AGBL1: variants seen among roughly 807,000 people sequenced by gnomAD.
AGBL1 encodes AGBL carboxypeptidase 1.
In AGBL1, 130 loss-of-function variants were observed where a neutral mutation model predicts 118.9. That is an observed-to-expected ratio of 1.09 (90% CI 0.95 to 1.26). The LOEUF (loss-of-function observed/expected upper bound fraction) is 1.26. Ranked by LOEUF, AGBL1 falls within the 50% of genes most tolerant of loss-of-function variation. AGBL1 has a pLI of 0.00. For missense variants in AGBL1, 1,584 were observed against 1,298.1 expected, an observed-to-expected ratio of 1.22 and a Z score of -3.38; for synonymous variants, 555 against 478.9, an observed-to-expected ratio of 1.16 and a Z score of -2.08.
intron 15 of AGBL1, among the ~76,000 whole-genome samples, chr15:86,273,453 C>G (rs1391687052): frequency 2.0e-5 from 3 of 152,212 alleles, no homozygotes; most frequent in Admixed American, 6.5e-5. Context: ...TTATTCACCA[C>G]GTTGTGTTAA....
intron 1 of AGBL1, among the ~76,000 whole-genome samples, chr15:86,085,560 C>T (rs1220400931): frequency 6.6e-6 from 1 of 152,156 alleles, no homozygotes; most frequent in Non-Finnish European, 1.5e-5. Context: ...GTAATGTGAT[C>T]TGTTTTAATT....
intron 18 of AGBL1, among the ~76,000 whole-genome samples, chr15:86,473,422 A>T (rs1257673322): frequency 2.0e-5 from 3 of 152,238 alleles, no homozygotes; most frequent in Non-Finnish European, 2.9e-5. Context: ...AATTAAAGTA[A>T]AAAAGAAAAG....
intron 17 of AGBL1, among the ~76,000 whole-genome samples, chr15:86,361,197 A>T (rs2080800173): frequency 6.6e-6 from 1 of 151,998 alleles, no homozygotes; most frequent in South Asian, 2.1e-4. Flanking sequence ...TTAACATTTT[A>T]AAAATTTTTT....
intron 18 of AGBL1, among the ~76,000 whole-genome samples, chr15:86,472,371 C>A (rs543170458): frequency 6.6e-6 from 1 of 152,092 alleles, no homozygotes. Flanking sequence ...ATATCCTCTC[C>A]GACATCTGAT....
intron 22 of AGBL1, among the ~76,000 whole-genome samples, chr15:86,698,524 G>A (rs1376912712): frequency 6.6e-6 from 1 of 151,802 alleles, no homozygotes; most frequent in East Asian, 1.9e-4. Context: ...GTTCTTTAGG[G>A]GAGATAATCC....
intron 18 of AGBL1, among the ~76,000 whole-genome samples, chr15:86,453,709 C>G (rs1000090541): frequency 6.6e-6 from 1 of 152,112 alleles, no homozygotes; most frequent in African/African-American, 2.4e-5. Context: ...TGTTTACATT[C>G]TTAGAGGTGG....
At chr15:86,397,663 G>T in intron 18 of AGBL1, 117 bp downstream of exon 18, 3 of 956,682 alleles carry the variant, frequency 3.1e-6, no homozygotes, top group Admixed American at 2.4e-5. Context: ...ATAAACTCTT[G>T]GTTTTCTGTT....
chr15:86,424,424 C>G (rs1185696704), intron 18 of AGBL1, among the ~76,000 whole-genome samples: 1 of 152,142 alleles, frequency 6.6e-6, no homozygotes, highest in Non-Finnish European at 1.5e-5. Context: ...AGACCTAAAA[C>G]CATAAAAACC....
intron 23 of AGBL1, among the ~76,000 whole-genome samples, chr15:86,926,199 A>G (rs1191259395): frequency 2.0e-5 from 3 of 151,786 alleles, no homozygotes; most frequent in South Asian, 2.1e-4. Flanking sequence ...GCCTCTGTCT[A>G]TCCTCTCCTT....
chr15:86,300,253 A>G (rs552018490), intron 17 of AGBL1, among the ~76,000 whole-genome samples: 1 of 152,152 alleles, frequency 6.6e-6, no homozygotes, highest in Non-Finnish European at 1.5e-5. Flanking sequence ...TTGCTCTCAC[A>G]ACCTCGCATT....
intron 22 of AGBL1, among the ~76,000 whole-genome samples, chr15:86,875,361 G>A (rs538906263): frequency 6.6e-6 from 1 of 152,278 alleles, no homozygotes; most frequent in South Asian, 2.1e-4. Context: ...AAATGTACCA[G>A]TTTCCCTTAG....
rs374319835 is a variant in AGBL1, at chr15:86,329,932, A to G, written c.2374+34524A>G. On this transcript the variant is annotated intron_variant, in intron 17 of 22. Transcript: ENST00000614907. ...GCATCCAGAGCATCCACTCTCCTGG[A>G]TTAGGAATTTAGGCTTCCCCCTACA... is the stretch of plus-strand genomic sequence containing the variant. Among the ~76,000 whole-genome samples the G allele has an allele frequency of 6.6e-5, 10 of 152,320 alleles. 1 individual carries two copies. In the Middle Eastern group the frequency reaches 0.031, roughly 466 times the overall value.
intron 5 of AGBL1, among the ~76,000 whole-genome samples, chr15:86,179,205 G>C (rs979017939): frequency 1.3e-5 from 2 of 152,224 alleles, no homozygotes; most frequent in African/African-American, 2.4e-5. Context: ...AGCATTATGA[G>C]AGCACAGAAG....
At chr15:86,756,155 G>T (rs1278648013) in intron 22 of AGBL1, among the ~76,000 whole-genome samples, 1 of 149,716 alleles carries the variant, frequency 6.7e-6, no homozygotes, top group Non-Finnish European at 1.5e-5. Flanking sequence ...TTGATGCCAG[G>T]AGCCAGGCCA....
At chr15:86,944,821 A>T (rs1176612804) in intron 23 of AGBL1, among the ~76,000 whole-genome samples, 1 of 152,198 alleles carries the variant, frequency 6.6e-6, no homozygotes, top group Non-Finnish European at 1.5e-5. Flanking sequence ...GGCAATAAGT[A>T]AGAATCTTTA....
At chr15:86,601,267 A>C (rs1450616305) in intron 21 of AGBL1, among the ~76,000 whole-genome samples, 1 of 152,204 alleles carries the variant, frequency 6.6e-6, no homozygotes, top group African/African-American at 2.4e-5. Flanking sequence ...GCTAGCACTC[A>C]GTTAAGGGTT....
At chr15:86,478,326 G>C (rs949176734) in intron 18 of AGBL1, among the ~76,000 whole-genome samples, 4 of 152,192 alleles carry the variant, frequency 2.6e-5, no homozygotes, top group African/African-American at 4.8e-5. Flanking sequence ...TGTATATTTA[G>C]AAAACCCCAT....
intron 22 of AGBL1, among the ~76,000 whole-genome samples, chr15:86,884,632 T>C (rs1347268815): frequency 6.6e-6 from 1 of 152,134 alleles, no homozygotes; most frequent in Non-Finnish European, 1.5e-5. Context: ...GACAACATGG[T>C]GAAACCCTTC....
intron 17 of AGBL1, among the ~76,000 whole-genome samples, chr15:86,365,024 TATAC>T (rs1393042235): frequency 4.4e-5 from 6 of 135,186 alleles, no homozygotes; most frequent in African/African-American, 1.8e-4. Flanking sequence ...CACATATATA[TATAC>T]ACACACATAT....
Sources: gnomAD v4.1 joint callset for allele counts (sites outside exome capture counted in the v4.1 genomes callset) on GRCh38, gnomAD v4.1.1 for gene constraint, MANE v1.5 for transcripts, NCBI Gene and HGNC (gene_info 2026-07-23, HGNC 2026-07-21) for gene names.